Variants in METTL2A observed in about 807,000 individuals in gnomAD.
METTL2A encodes the protein methyltransferase 2A, tRNA N3-cytidine, also known as tRNA N(3)-cytidine methyltransferase METTL2A.
Under a neutral mutation model 49.4 loss-of-function variants are expected in METTL2A, and 45 were observed. The ratio of observed to expected loss-of-function variants is 0.91; its 90% CI spans 0.72 to 1.17. The LOEUF is 1.17. METTL2A is among the 50% of genes most tolerant of loss of function. The pLI is 0.00. For synonymous variants in METTL2A, 118 were observed against 167.5 expected (o/e 0.70, Z 2.28); for missense variants, 361 against 462.2 (o/e 0.78, Z 2.01).
chr17:62,440,838 T>C, intron 6 of METTL2A, 82 bp downstream of exon 6: 1 of 1,535,882 alleles, frequency 6.5e-7, no homozygotes, highest in Non-Finnish European at 8.8e-7. Flanking sequence ...AGGTTCTTGC[T>C]CTGTCAGCCC....
In METTL2A at chr17:62,426,372, T is replaced by C. The variant is rs1261774718; in HGVS notation, c.276T>C (p.Asp92=). The change falls in exon 3 of 9, where the codon GAT becomes GAC. Residue 92 remains aspartate, a synonymous_variant. Coordinates refer to ENST00000311506, the MANE Select transcript of METTL2A (RefSeq NM_181725.4). ...TCCACGAAAATGGGTTTTTCAAGGA[T>C]AGACATTGGCTTTTTACCGAATTCC... is the stretch of plus-strand genomic sequence containing the variant. ...YKIHENGFFK[D]RHWLFTEFPE... is the part of the protein sequence containing the mutation. 1 of 1,613,770 alleles carries C rather than the reference T, an allele frequency of 6.2e-7. No individual in the cohort carries two copies. The highest frequency in any genetic ancestry group is 2.2e-5 in the East Asian group (1 of 44,880).
At chr17:62,441,987 C>T (rs2070741731) in intron 6 of METTL2A, among the ~76,000 whole-genome samples, 1 of 151,820 alleles carries the variant, frequency 6.6e-6, no homozygotes, top group Non-Finnish European at 1.5e-5. Flanking sequence ...ACCTCATGAC[C>T]TCATGATCCG....
At chr17:62,434,150 T>C (rs2070685072) in intron 4 of METTL2A, among the ~76,000 whole-genome samples, 1 of 152,206 alleles carries the variant, frequency 6.6e-6, no homozygotes, top group Non-Finnish European at 1.5e-5. Context: ...AATAGAACTT[T>C]GTGCAGTGAC....
At chr17:62,440,566 T>C in intron 5 of METTL2A, 51 bp from the exon 6 acceptor site, 1 of 1,557,070 alleles carries the variant, frequency 6.4e-7, no homozygotes, top group South Asian at 1.2e-5. Context: ...ATCTTTTCTT[T>C]AGGCTATGTT....
In METTL2A at chr17:62,451,132, C is replaced by G. The variant is rs1463655856; in HGVS notation, c.*2403C>G. Among the ~76,000 whole-genome samples the G allele has an allele frequency of 7.1e-6, 1 of 141,832 alleles. No individual in the cohort carries two copies. Among genetic ancestry groups the G allele is most frequent in the Non-Finnish European group, 1.5e-5 (1 of 66,376 alleles). The allele number at this position is 141,832 out of a possible 152,430, so 93.0% of individuals were successfully genotyped here. On this transcript the variant is annotated 3_prime_UTR_variant, in exon 9 of 9. Coordinates refer to ENST00000311506, the MANE Select transcript of METTL2A (RefSeq NM_181725.4). ...TTCAAGACCAGGCTGGGTAATGTAG[C>G]AAGACCCTGACTTTTTTTTTTTTTT...
intron 2 of METTL2A, among the ~76,000 whole-genome samples, chr17:62,425,924 C>T (rs1191558042): frequency 1.3e-5 from 2 of 151,164 alleles, no homozygotes; most frequent in Non-Finnish European, 2.9e-5. Flanking sequence ...TGGCATGAAC[C>T]CGGGAGGTGG....
chr17:62,448,732 G>C lies in METTL2A; in HGVS notation c.*3G>C. ...CCCTTCTGTCCAGCACCAGCTGAGA[G>C]GCACCTGCTGCCAACACGATGCAAG... On this transcript the variant is annotated 3_prime_UTR_variant, in exon 9 of 9. Coordinates refer to ENST00000311506, the MANE Select transcript of METTL2A (RefSeq NM_181725.4). 6.2e-7 allele frequency: 1 copy of C among 1,613,590 alleles called. No homozygotes were observed. Among genetic ancestry groups the C allele is most frequent in the Non-Finnish European group, 8.5e-7 (1 of 1,179,846 alleles).
At chr17:62,442,857 A>G (rs1384607632) in intron 6 of METTL2A, among the ~76,000 whole-genome samples, 6 of 152,218 alleles carry the variant, frequency 3.9e-5, no homozygotes, top group African/African-American at 1.4e-4. Context: ...TTACATGACT[A>G]GAGACTGCAG....
rs1180910897 is a variant in METTL2A, at chr17:62,452,336, G to A, written c.*3607G>A. Among the ~76,000 whole-genome samples, 1 of 152,188 alleles carries A rather than the reference G, an allele frequency of 6.6e-6. No individual in the cohort carries two copies. The highest frequency in any genetic ancestry group is 1.5e-5 in the Non-Finnish European group (1 of 68,044). ...TATGAATTTCCCCATTATTGGTGAT[G>A]TCACTTAGTTGTGTTGTCTGCCGGG... On this transcript the variant is annotated 3_prime_UTR_variant, in exon 9 of 9. Transcript: ENST00000311506.
At chr17:62,442,949 T>C (rs1385129797) in intron 6 of METTL2A, among the ~76,000 whole-genome samples, 3 of 152,156 alleles carry the variant, frequency 2.0e-5, no homozygotes, top group African/African-American at 7.2e-5. Context: ...CTTTGGGTGA[T>C]TGACCTTCCT....
intron 4 of METTL2A, among the ~76,000 whole-genome samples, chr17:62,432,453 G>C (rs1254178790): frequency 1.3e-5 from 2 of 152,124 alleles, no homozygotes; most frequent in African/African-American, 4.8e-5. Flanking sequence ...AGGATCACCT[G>C]AGCCCAGGAG....
intron 2 of METTL2A, among the ~76,000 whole-genome samples, chr17:62,425,665 A>C (rs1242040817): frequency 1.4e-5 from 2 of 144,720 alleles, no homozygotes; most frequent in African/African-American, 5.0e-5. Flanking sequence ...GATTACAGGC[A>C]TGAGCCACTG....
chr17:62,435,205 T>C (rs771504492), intron 4 of METTL2A, 27 bp from the exon 5 acceptor site: 1 of 1,613,976 alleles, frequency 6.2e-7, no homozygotes, highest in Non-Finnish European at 8.5e-7. Context: ...TGTAGTCTCA[T>C]TGTTCTGTCT....
intron 4 of METTL2A, among the ~76,000 whole-genome samples, chr17:62,433,076 C>T (rs2070677265): frequency 6.6e-6 from 1 of 152,166 alleles, no homozygotes; most frequent in South Asian, 2.1e-4. Flanking sequence ...CTACACCCGA[C>T]ACCATTGTGT....
intron 7 of METTL2A, among the ~76,000 whole-genome samples, chr17:62,446,943 A>G (rs2070772831): frequency 6.6e-6 from 1 of 152,182 alleles, no homozygotes; most frequent in Non-Finnish European, 1.5e-5. Flanking sequence ...CCAGGCCGGT[A>G]AACTGAGGTA....
intron 2 of METTL2A, among the ~76,000 whole-genome samples, 163 bp from the exon 3 acceptor site, chr17:62,426,136 A>G (rs1055956340): frequency 1.3e-5 from 2 of 152,196 alleles, no homozygotes; most frequent in African/African-American, 2.4e-5. Context: ...GCCAGATGGC[A>G]GGACTAAATG....
intron 4 of METTL2A, among the ~76,000 whole-genome samples, chr17:62,429,175 T>A (rs1440120280): frequency 6.6e-6 from 1 of 152,226 alleles, no homozygotes; most frequent in African/African-American, 2.4e-5. Context: ...CAACATAATC[T>A]GCATTTCTAT....
intron 4 of METTL2A, among the ~76,000 whole-genome samples, chr17:62,429,979 GTTTTTAA>G (rs2070654035): frequency 6.6e-6 from 1 of 152,146 alleles, no homozygotes; most frequent in African/African-American, 2.4e-5. Context: ...CCCTATAGCT[GTTTTTAA>G]ACCCCTTGTG....
chr17:62,435,948 G>A (rs948105670), intron 5 of METTL2A, among the ~76,000 whole-genome samples: 13 of 152,068 alleles, frequency 8.5e-5, no homozygotes, highest in African/African-American at 3.1e-4. Flanking sequence ...AATGAAATAC[G>A]ATTGCATGCT....
Sources: allele counts gnomAD v4.1 joint callset (sites outside exome capture counted in the v4.1 genomes callset), GRCh38; gene constraint gnomAD v4.1.1; transcripts MANE v1.5; gene names NCBI Gene and HGNC (gene_info 2026-07-23, HGNC 2026-07-21).